The following ANGEL2 variants were observed in gnomAD, a reference collection of about 807,000 sequenced individuals.
ANGEL2 encodes RNA 2',3'-cyclic phosphatase ANGEL2.
In ANGEL2, 41 loss-of-function variants were observed where a neutral mutation model predicts 66.0. That is an observed-to-expected ratio of 0.62 (90% CI 0.48 to 0.81). ANGEL2 has a LOEUF of 0.81. ANGEL2 is among the 30% of genes least tolerant of loss of function. The pLI, the probability that ANGEL2 is intolerant of heterozygous loss-of-function variation, is 0.00. For synonymous variants in ANGEL2, 208 were observed against 226.5 expected, an observed-to-expected ratio of 0.92 and a Z score of 0.73; for missense variants, 561 against 641.6, an observed-to-expected ratio of 0.87 and a Z score of 1.36.
At chr1:213,000,412 G>C in intron 6 of ANGEL2, 29 bp from the exon 7 acceptor site, 9 of 1,586,896 alleles carry the variant, frequency 5.7e-6, no homozygotes, top group South Asian at 1.1e-5. Flanking sequence ...ATATATTAAT[G>C]TTATTGTTCT....
At position 213,015,780 on chromosome 1, in the gene ANGEL2, G is replaced by T. The variant is rs1177035832; in HGVS notation, c.-109C>A. The T allele has an allele frequency of 4.8e-6, 7 of 1,456,888 alleles. No homozygotes were observed. Among genetic ancestry groups the T allele is most frequent in the Non-Finnish European group, 6.7e-6 (7 of 1,051,426 alleles). The allele number at this position is 1,456,888 out of a possible 1,614,324, so 90.2% of individuals were successfully genotyped here. ...GGGAACCCCATCACTCTTAAGTACC[G>T]ACTCCAGTCCTGGCTGCAAGGCATG... On this transcript the variant is annotated 5_prime_UTR_variant, in exon 1 of 9. Coordinates refer to ENST00000366962, the MANE Select transcript of ANGEL2 (RefSeq NM_144567.5).
At position 212,995,041 on chromosome 1, in the gene ANGEL2, T is replaced by A; in HGVS notation, c.1635A>T (p.Ter545CysextTer7). The A allele has an allele frequency of 6.3e-7, 1 of 1,591,500 alleles. No individual in the cohort carries two copies. Among genetic ancestry groups the A allele is most frequent in the Non-Finnish European group, 8.5e-7 (1 of 1,170,262 alleles). The change falls in exon 9 of 9, where the codon TGA becomes TGT. Residue 545 changes from the stop codon to cysteine, a stop_lost. Transcript: ENST00000366962. ...PLLAKFRLEL[*>C] The stretch of plus-strand genomic sequence containing the variant: ...AAAATTAGTATGTGATCAAAGAGAG[T>A]CAGAGCTCAAGTCTGAACTTTGCCA...
At chr1:212,998,191 G>A (rs2148136338) in intron 7 of ANGEL2, among the ~76,000 whole-genome samples, 1 of 148,834 alleles carries the variant, frequency 6.7e-6, no homozygotes, top group African/African-American at 2.5e-5. Flanking sequence ...AGGAGCTCGA[G>A]ACCAGCCTGG....
chr1:212,997,792 C>T (rs575428652), intron 7 of ANGEL2, among the ~76,000 whole-genome samples: 1 of 151,994 alleles, frequency 6.6e-6, no homozygotes. Context: ...ATTATATTTG[C>T]CCCATGCACA....
At chr1:212,999,023 C>T (rs1412286663) in intron 7 of ANGEL2, among the ~76,000 whole-genome samples, 1 of 152,020 alleles carries the variant, frequency 6.6e-6, no homozygotes, top group Non-Finnish European at 1.5e-5. Flanking sequence ...CACGTGCATG[C>T]CACCATGCCC....
intron 8 of ANGEL2, among the ~76,000 whole-genome samples, chr1:212,996,046 G>A (rs907118601): frequency 1.3e-5 from 2 of 152,122 alleles, no homozygotes; most frequent in African/African-American, 2.4e-5. Context: ...AGTGGCTCAC[G>A]CCTGTAATCC....
chr1:213,003,348 T>G (rs1290773184), intron 5 of ANGEL2, among the ~76,000 whole-genome samples: 1 of 152,254 alleles, frequency 6.6e-6, no homozygotes, highest in African/African-American at 2.4e-5. Flanking sequence ...TGCTGTTTGG[T>G]GCAAGAGGCC....
intron 7 of ANGEL2, among the ~76,000 whole-genome samples, chr1:212,997,749 T>A (rs188024991): frequency 1.3e-5 from 2 of 152,252 alleles, no homozygotes; most frequent in Admixed American, 1.3e-4. Context: ...TATAATTTTG[T>A]ACTGCATCTT....
intron 1 of ANGEL2, among the ~76,000 whole-genome samples, 181 bp from the exon 2 acceptor site, chr1:213,013,599 C>T: frequency 6.6e-6 from 1 of 152,148 alleles, no homozygotes. Context: ...TCTCAATACT[C>T]TCGTCCTAAA....
intron 5 of ANGEL2, among the ~76,000 whole-genome samples, chr1:213,004,798 G>A (rs1381810316): frequency 6.7e-6 from 1 of 149,616 alleles, no homozygotes; most frequent in Non-Finnish European, 1.5e-5. Flanking sequence ...AACCCGGGAG[G>A]TGGAGCTTGC....
At chr1:213,013,488 G>A (rs907440356) in intron 1 of ANGEL2, 70 bp from the exon 2 acceptor site, 1 of 1,362,940 alleles carries the variant, frequency 7.3e-7, no homozygotes, top group Non-Finnish European at 1.0e-6. Context: ...ATCTAAGCCT[G>A]TTTCCTCAAG....
chr1:213,012,541 A>C (rs550594100), intron 2 of ANGEL2, among the ~76,000 whole-genome samples: 1 of 152,350 alleles, frequency 6.6e-6, no homozygotes, highest in East Asian at 1.9e-4. Flanking sequence ...TCTTAAAGAT[A>C]ATACTTCGGG....
In ANGEL2 at chr1:213,013,165, A is replaced by G. The variant is rs1475273202; in HGVS notation, c.313T>C (p.Leu105=). ...ATGACGTAACTAGAGAGATGAATCA[A>G]AGATGTCTGGCTCAGGTTGTCAGGT... The part of the protein sequence containing the change: ...WRPDNLSQTS[L]IHLSSYVMNA... The change falls in exon 2 of 9, where the codon TTG becomes CTG. Residue 105 remains leucine, a synonymous_variant. Coordinates refer to ENST00000366962, the MANE Select transcript of ANGEL2 (RefSeq NM_144567.5). 1 of 1,614,160 alleles carries G rather than the reference A, an allele frequency of 6.2e-7. No homozygotes were observed. The highest frequency in any genetic ancestry group is 8.5e-7 in the Non-Finnish European group (1 of 1,180,004).
rs971775677 is a variant in ANGEL2 at position 213,007,149 on chromosome 1, C to T, written c.692G>A (p.Arg231Lys). 1.9e-6 allele frequency: 3 copies of T among 1,608,264 alleles called. No individual in the cohort carries two copies. The East Asian group carries it at 6.7e-5, about 36-fold the overall frequency. ...VQEDHYGAEI[R>K]PSLESLGYHC... ...TGTACCCAGTGATTCCAAACTTGGCCTGATCTCTGCTCCATAATGATCTTC... is the reference window on the plus strand; with the variant it reads ...TGTACCCAGTGATTCCAAACTTGGCTTGATCTCTGCTCCATAATGATCTTC... Residue 231 changes from arginine (R) to lysine (K), a missense_variant, in exon 4 of 9, where the codon AGG becomes AAG. Coordinates refer to ENST00000366962, the MANE Select transcript of ANGEL2 (RefSeq NM_144567.5).
chr1:212,996,634 AAAAAAAATATATATATAT>A (rs2076019899), intron 8 of ANGEL2, among the ~76,000 whole-genome samples: 1 of 49,202 alleles, frequency 2.0e-5, no homozygotes, highest in Admixed American at 3.4e-4. Context: ...AAAAAAAAAA[AAAAAAAATATATATATAT>A]ATATATATAT....
At chr1:213,011,399 G>A in intron 2 of ANGEL2, 1 of 1,142,714 alleles carries the variant, frequency 8.8e-7, no homozygotes, top group Non-Finnish European at 1.1e-6. Context: ...AAAAGTATTA[G>A]TGAAATATCG....
intron 2 of ANGEL2, among the ~76,000 whole-genome samples, chr1:213,010,490 T>C (rs1572151995): frequency 6.6e-6 from 1 of 151,092 alleles, no homozygotes; most frequent in East Asian, 2.0e-4. Flanking sequence ...GAGAATGGCG[T>C]GAACCTGGGA....
chr1:213,012,989 A>G, intron 2 of ANGEL2, 104 bp downstream of exon 2: 1 of 1,199,414 alleles, frequency 8.3e-7, no homozygotes. Context: ...AGTCAACACC[A>G]AACACCTCTA....
chr1:213,008,434 T>TAG lies in ANGEL2; in HGVS notation c.417_418insCT (p.Ser140LeufsTer11), dbSNP rs1194026671. ...ATCTTCGTTTTTTCTTTATCATGGCTACATATATATTCCCAATTCCGCTTT... is the reference window on the plus strand; with the variant it reads ...ATCTTCGTTTTTTCTTTATCATGGCTAGACATATATATTCCCAATTCCGCTTT... On this transcript the variant is annotated frameshift_variant, in exon 3 of 9. Transcript: ENST00000366962. LOFTEE classifies it high-confidence loss of function. 6.2e-7 allele frequency: 1 copy of TAG among 1,613,882 alleles called. No homozygotes were observed. Among genetic ancestry groups the TAG allele is most frequent in the Non-Finnish European group, 8.5e-7 (1 of 1,179,920 alleles).
Sources: gnomAD v4.1 joint callset for allele counts (sites outside exome capture counted in the v4.1 genomes callset) on GRCh38, gnomAD v4.1.1 for gene constraint, MANE v1.5 for transcripts, NCBI Gene and HGNC (gene_info 2026-07-23, HGNC 2026-07-21) for gene names.